The following C10orf53 variants were observed in gnomAD, a reference collection of about 807,000 sequenced individuals.
C10orf53 encodes the protein UPF0728 protein C10orf53.
C10orf53 carries 8 observed loss-of-function variants against 9.4 expected under a neutral mutation model. The observed-to-expected ratio is 0.85, with a 90% CI of 0.50 to 1.53. The LOEUF is 1.53. C10orf53 is among the 40% of genes most tolerant of loss of function. The pLI, the probability that C10orf53 is intolerant of heterozygous loss-of-function variation, is 0.00. For synonymous variants in C10orf53, 48 were observed against 46.0 expected (o/e 1.04, Z -0.18); for missense variants, 117 against 117.8 (o/e 0.99, Z 0.03).
intron 2 of C10orf53, among the ~76,000 whole-genome samples, chr10:49,704,863 C>T (rs1476686380): frequency 6.6e-6 from 1 of 152,208 alleles, no homozygotes; most frequent in Non-Finnish European, 1.5e-5. Flanking sequence ...GACAAAATGT[C>T]TACAGAGCAA....
At chr10:49,697,782 A>G (rs991334139), downstream of C10orf53, among the ~76,000 whole-genome samples, 2 of 152,136 alleles carry the variant, frequency 1.3e-5, no homozygotes, top group Non-Finnish European at 2.9e-5. Flanking sequence ...CTGACCTCAA[A>G]TGATCCACCC....
At chr10:49,686,450 G>C (rs1285422268) in intron 1 of C10orf53, among the ~76,000 whole-genome samples, 2 of 152,180 alleles carry the variant, frequency 1.3e-5, no homozygotes, top group African/African-American at 2.4e-5. Flanking sequence ...ATAAACAGGA[G>C]GTCTGCCTGC....
chr10:49,684,665 G>A (rs990200341), intron 1 of C10orf53, among the ~76,000 whole-genome samples: 1 of 152,172 alleles, frequency 6.6e-6, no homozygotes, highest in Non-Finnish European at 1.5e-5. Flanking sequence ...ATCATTGCTA[G>A]TGTGTAGAAA....
rs183441503 is a variant in C10orf53, at chr10:49,696,612, A to C, written c.*2010A>C. On this transcript the variant is annotated 3_prime_UTR_variant, in exon 3 of 3. Transcript: ENST00000374111. ...AGCTGAAGGGCAGGTAAGGCGAGAC[A>C]GTACACGGATTCTAAGAAATACCGG... 6.6e-6 allele frequency among the ~76,000 whole-genome samples: 1 copy of C among 152,318 alleles called. No individual in the cohort carries two copies. Among genetic ancestry groups the C allele is most frequent in the Non-Finnish European group, 1.5e-5 (1 of 68,040 alleles).
At chr10:49,682,240 A>G (rs1023359105) in intron 1 of C10orf53, among the ~76,000 whole-genome samples, 5 of 152,126 alleles carry the variant, frequency 3.3e-5, no homozygotes, top group African/African-American at 1.2e-4. Flanking sequence ...TGTATTCCTT[A>G]AGCAACAACA....
rs1260417006 is a variant in C10orf53, at chr10:49,697,177, A to C, written c.*2575A>C. On this transcript the variant is annotated 3_prime_UTR_variant, in exon 3 of 3. Transcript: ENST00000374111. ...CACTGCACTCCAGCCTGGGTGACAA[A>C]GTGAGACCCTGTCTCAGAAAATAAA... 6.6e-6 allele frequency among the ~76,000 whole-genome samples: 1 copy of C among 152,138 alleles called. No individual in the cohort carries two copies. The highest frequency in any genetic ancestry group is 1.5e-5 in the Non-Finnish European group (1 of 68,014).
chr10:49,706,944 C>T (rs1285345275), intron 2 of C10orf53, among the ~76,000 whole-genome samples: 1 of 152,180 alleles, frequency 6.6e-6, no homozygotes, highest in South Asian at 2.1e-4. Flanking sequence ...AATATTCTTG[C>T]CCAGGGTTAC....
At chr10:49,701,372 CTA>C (rs1462963270), downstream of C10orf53, among the ~76,000 whole-genome samples, 9 of 152,254 alleles carry the variant, frequency 5.9e-5, no homozygotes, top group South Asian at 1.7e-3. Context: ...AGAACCAGAG[CTA>C]TATGTTTTGT....
rs1390613987 is a variant in C10orf53 at position 49,679,677 on chromosome 10, TGCG to T, written c.-13_-11del. The T allele has an allele frequency of 1.9e-6, 3 of 1,544,390 alleles. No individual in the cohort carries two copies. Among genetic ancestry groups the T allele is most frequent in the Middle Eastern group, 1.7e-4 (1 of 5,736 alleles). On this transcript the variant is annotated 5_prime_UTR_variant, in exon 1 of 3. Transcript: ENST00000374111. ...GCAGCGTGTGTTTCTCCCTTGCCTC[TGCG>T]GCGGCGGAGGCCTGGCGATGCCCAA... is the stretch of plus-strand genomic sequence containing the variant.
downstream of C10orf53, among the ~76,000 whole-genome samples, chr10:49,702,343 A>G (rs1197608729): frequency 6.6e-6 from 1 of 152,118 alleles, no homozygotes; most frequent in African/African-American, 2.4e-5. Flanking sequence ...GTATTTGATC[A>G]AACATTATTC....
intron 1 of C10orf53, among the ~76,000 whole-genome samples, chr10:49,686,226 C>T (rs1301946548): frequency 6.6e-6 from 1 of 152,170 alleles, no homozygotes; most frequent in Non-Finnish European, 1.5e-5. Flanking sequence ...ATTTCATGGA[C>T]ATTTATCACT....
chr10:49,688,371 C>T (rs1375375802), intron 1 of C10orf53, among the ~76,000 whole-genome samples: 2 of 151,938 alleles, frequency 1.3e-5, no homozygotes, highest in African/African-American at 4.8e-5. Context: ...CTCCTGACTA[C>T]CCCCTCTGCA....
At position 49,706,063 on chromosome 10, in the gene C10orf53, G is replaced by A. The variant is rs189367516; in HGVS notation, c.218-2298G>A. ...CAAACCCACAATGACATACAATTTC[G>A]CACCCACAAAGATGGGTTCTAGCAA... On this transcript the variant is annotated intron_variant, in intron 2 of 2. Coordinates refer to the C10orf53 transcript ENST00000374112. Among the ~76,000 whole-genome samples, 206 of 152,116 alleles carry A rather than the reference G, an allele frequency of 1.4e-3. 3 individuals are homozygous for A. The highest frequency in any genetic ancestry group is 0.013 in the Admixed American group (201 of 15,258).
intron 2 of C10orf53, among the ~76,000 whole-genome samples, chr10:49,703,484 C>T (rs1197503483): frequency 6.6e-6 from 1 of 152,194 alleles, no homozygotes; most frequent in Non-Finnish European, 1.5e-5. Context: ...AGCCAAGCAG[C>T]AGCGTTCTGC....
chr10:49,686,112 A>T (rs1840525944), intron 1 of C10orf53, among the ~76,000 whole-genome samples: 1 of 152,222 alleles, frequency 6.6e-6, no homozygotes, highest in Non-Finnish European at 1.5e-5. Context: ...GCAGAAGAAC[A>T]TAAATTGTGA....
intron 1 of C10orf53, among the ~76,000 whole-genome samples, chr10:49,684,744 A>G (rs1252044179): frequency 6.6e-6 from 1 of 152,216 alleles, no homozygotes; most frequent in Non-Finnish European, 1.5e-5. Context: ...ATTAGCATTA[A>G]CAACATTTTT....
downstream of C10orf53, among the ~76,000 whole-genome samples, chr10:49,699,406 G>A (rs1038284215): frequency 6.6e-6 from 1 of 150,874 alleles, no homozygotes; most frequent in Non-Finnish European, 1.5e-5. Context: ...TGTTACCCAG[G>A]CTGGTCTCGA....
At position 49,696,792 on chromosome 10, in the gene C10orf53, G is replaced by C. The variant is rs938722420; in HGVS notation, c.*2190G>C. Among the ~76,000 whole-genome samples, 1 of 152,122 alleles carries C rather than the reference G, an allele frequency of 6.6e-6. No individual in the cohort carries two copies. Among genetic ancestry groups the C allele is most frequent in the Admixed American group, 6.6e-5 (1 of 15,266 alleles). On this transcript the variant is annotated 3_prime_UTR_variant, in exon 3 of 3. Coordinates refer to ENST00000374111, the MANE Select transcript of C10orf53 (RefSeq NM_001042427.3). ...TGGGGGGCAGGTGAGGTAGAGGGAGGAAGTTTGCAGGGCTATTCTGCCTTC... is the reference window on the plus strand; with the variant it reads ...TGGGGGGCAGGTGAGGTAGAGGGAGCAAGTTTGCAGGGCTATTCTGCCTTC...
intron 2 of C10orf53, 42 bp from the exon 3 acceptor site, chr10:49,694,496 T>A (rs779138998): frequency 6.2e-7 from 1 of 1,612,108 alleles, no homozygotes; most frequent in South Asian, 1.1e-5. Flanking sequence ...TAACAAATTG[T>A]ATATAAAGCT....
Sources: allele counts gnomAD v4.1 joint callset (sites outside exome capture counted in the v4.1 genomes callset), GRCh38; gene constraint gnomAD v4.1.1; transcripts MANE v1.5; gene names NCBI Gene and HGNC (gene_info 2026-07-23, HGNC 2026-07-21).